The following NSD2 variants were observed in gnomAD, a reference collection of about 807,000 sequenced individuals.
NSD2 encodes histone-lysine N-methyltransferase NSD2.
NSD2 carries 12 observed loss-of-function variants against 139.0 expected under a neutral mutation model. The ratio of observed to expected loss-of-function variants is 0.09; its 90% CI spans 0.06 to 0.14. The LOEUF (loss-of-function observed/expected upper bound fraction) is 0.14. Among genes scored for constraint, NSD2 ranks in the 10% least tolerant of loss-of-function variants. NSD2 has a pLI of 1.00. For synonymous variants in NSD2, 669 were observed against 648.7 expected (o/e 1.03, Z -0.48); for missense variants, 1,155 against 1,745.0 (o/e 0.66, Z 6.02).
At chr4:1,925,464 C>T (rs1352977647) in intron 5 of NSD2, among the ~76,000 whole-genome samples, 1 of 144,730 alleles carries the variant, frequency 6.9e-6, no homozygotes, top group Non-Finnish European at 1.5e-5. Flanking sequence ...GAAGGCGCCA[C>T]CTCGGCCCAC....
intron 2 of NSD2, among the ~76,000 whole-genome samples, chr4:1,901,770 C>T (rs996456674): frequency 8.5e-5 from 13 of 152,206 alleles, no homozygotes; most frequent in Admixed American, 8.5e-4. Flanking sequence ...TCTCCTCAGC[C>T]AGGTGGTCCA....
chr4:1,916,265 G>A (rs1483133600), intron 3 of NSD2, among the ~76,000 whole-genome samples: 3 of 152,148 alleles, frequency 2.0e-5, no homozygotes, highest in Admixed American at 1.3e-4. Context: ...ATGTCCTCTT[G>A]TCTTATTTGG....
In NSD2 at chr4:1,976,026, C is replaced by A. The variant is rs1250531826; in HGVS notation, c.3622-449C>A. 6.6e-6 allele frequency among the ~76,000 whole-genome samples: 1 copy of A among 152,178 alleles called. No individual in the cohort carries two copies. The highest frequency in any genetic ancestry group is 2.4e-5 in the African/African-American group (1 of 41,436). The stretch of plus-strand genomic sequence containing the variant: ...GCGGTGGCACCAGCTCGGCCCTGAG[C>A]CGGTGTCTGTCCTCAGCCGTGTTGC... On this transcript the variant is annotated intron_variant, in intron 20 of 21. Coordinates refer to ENST00000508803, the MANE Select transcript of NSD2 (RefSeq NM_001042424.3). This position sits in a 1 kb window ranked among gnomAD's most constrained non-coding sequence, Gnocchi z 5.3.
chr4:1,909,800 C>T (rs1718422107), intron 3 of NSD2, among the ~76,000 whole-genome samples: 1 of 151,750 alleles, frequency 6.6e-6, no homozygotes, highest in Admixed American at 6.6e-5. Flanking sequence ...ACCACTATGC[C>T]CAGCTAATTT....
In NSD2 at chr4:1,918,241, A is replaced by C; in HGVS notation, c.1028A>C (p.Lys343Thr). ...ASMSVEERKA[K>T]FTFLYVGDQL... ...ATGTCAGTGGAGGAGCGGAAAGCCA[A>C]GTTCACCTTTCTCTATGTGGGGGAC... The change falls in exon 5 of 22, where the codon AAG (lysine) becomes ACG (threonine). Residue 343 changes from lysine (K) to threonine (T), a missense_variant. Physicochemically the swap from Lys to Thr is moderately conservative, Grantham distance 78. Around this residue, in one of 8 missense-constraint regions of NSD2, gnomAD observed 420 missense variants for 469.0 expected, o/e 0.90. Coordinates refer to ENST00000508803, the MANE Select transcript of NSD2 (RefSeq NM_001042424.3). The C allele has an allele frequency of 6.2e-7, 1 of 1,613,882 alleles. No individual in the cohort carries two copies. Among genetic ancestry groups the C allele is most frequent in the Non-Finnish European group, 8.5e-7 (1 of 1,180,016 alleles).
In NSD2 at chr4:1,878,012, G is replaced by A. The variant is rs141750228; in HGVS notation, c.-30+6470G>A. Among the ~76,000 whole-genome samples, 299 of 151,976 alleles carry A rather than the reference G, an allele frequency of 2.0e-3. 2 individuals carry two copies. The highest frequency in any genetic ancestry group is 3.2e-3 in the Non-Finnish European group (215 of 67,976). On this transcript the variant is annotated intron_variant, in intron 1 of 21. Coordinates refer to ENST00000508803, the MANE Select transcript of NSD2 (RefSeq NM_001042424.3). ...CCACTGCATTCCAGACTGGGTGGCA[G>A]TAAGACTCTGTCCCAAAAGAAAAAT...
chr4:1,929,023 G>A (rs755830786), intron 5 of NSD2, among the ~76,000 whole-genome samples: 5 of 152,080 alleles, frequency 3.3e-5, no homozygotes, highest in Non-Finnish European at 7.4e-5. Context: ...AGTGCTGGGG[G>A]TCAGAGCCAG....
intron 1 of NSD2, among the ~76,000 whole-genome samples, chr4:1,896,257 C>T (rs1465672520): frequency 1.3e-5 from 2 of 152,254 alleles, no homozygotes; most frequent in Non-Finnish European, 2.9e-5. Context: ...CTTCTGTATT[C>T]CGGCTGCCAA....
intron 15 of NSD2, among the ~76,000 whole-genome samples, chr4:1,957,309 A>T (rs1577541812): frequency 6.8e-6 from 1 of 146,478 alleles, no homozygotes. Context: ...TTTGAGACTG[A>T]GTCTTGCTCT....
chr4:1,914,149 AG>A (rs1458254796), intron 3 of NSD2, among the ~76,000 whole-genome samples: 1 of 151,970 alleles, frequency 6.6e-6, no homozygotes, highest in Admixed American at 6.6e-5. Context: ...CAGCCTCCCG[AG>A]TAGCTGGGAC....
chr4:1,872,533 G>A (rs186230438), intron 1 of NSD2, among the ~76,000 whole-genome samples: 2 of 147,442 alleles, frequency 1.4e-5, no homozygotes, highest in African/African-American at 2.5e-5. Flanking sequence ...ATGTGGTGAC[G>A]TTAATCGTTT....
intron 3 of NSD2, among the ~76,000 whole-genome samples, chr4:1,906,037 C>G (rs1717851113): frequency 6.6e-6 from 1 of 152,178 alleles, no homozygotes; most frequent in Non-Finnish European, 1.5e-5. Context: ...TAAAACCAGG[C>G]ATAGTCTCCA....
At chr4:1,951,445 CACACACA>C (rs1724227601) in intron 10 of NSD2, among the ~76,000 whole-genome samples, 2,907 of 99,600 alleles carry the variant, frequency 0.029, 710 homozygotes, top group East Asian at 0.046. Context: ...TCATGTAATA[CACACACA>C]CACACACACA....
In NSD2 at chr4:1,875,576, G is replaced by A. The variant is rs532185079; in HGVS notation, c.-30+4034G>A. Among the ~76,000 whole-genome samples the A allele has an allele frequency of 3.3e-5, 5 of 152,170 alleles. No homozygotes were observed. In the South Asian group the frequency reaches 8.3e-4, roughly 25 times the overall value. On this transcript the variant is annotated intron_variant, in intron 1 of 21. Coordinates refer to ENST00000508803, the MANE Select transcript of NSD2 (RefSeq NM_001042424.3). ...AGTATAGCTTTTTAAAGAATTGATT[G>A]ATTTGATTACATTTGGTTTGCTAGT...
At chr4:1,928,796 A>T (rs1224558685) in intron 5 of NSD2, among the ~76,000 whole-genome samples, 2 of 151,864 alleles carry the variant, frequency 1.3e-5, no homozygotes, top group African/African-American at 4.8e-5. Flanking sequence ...GTGTTTGAGG[A>T]GGTGAGAGGC....
chr4:1,965,726 A>C (rs1326558465), intron 18 of NSD2, among the ~76,000 whole-genome samples: 1 of 152,218 alleles, frequency 6.6e-6, no homozygotes, highest in Non-Finnish European at 1.5e-5. Flanking sequence ...GCCTCAAGAA[A>C]CTTACCATCA....
intron 3 of NSD2, among the ~76,000 whole-genome samples, chr4:1,909,638 C>CTT (rs751737438): frequency 1.4e-5 from 2 of 146,944 alleles, no homozygotes; most frequent in Admixed American, 6.8e-5. Context: ...TATTCCTATC[C>CTT]TTTTTTTTTT....
chr4:1,923,521 G>C (rs1412259540), intron 5 of NSD2, among the ~76,000 whole-genome samples: 1 of 152,150 alleles, frequency 6.6e-6, no homozygotes, highest in Non-Finnish European at 1.5e-5. Context: ...GTCCTTCACA[G>C]TCATCCTTCA....
rs763826395 is a variant in NSD2 at position 1,978,801 on chromosome 4, G to T, written c.3990G>T (p.Ala1330=). Residue 1330 remains alanine, a synonymous_variant, in exon 22 of 22, where the codon GCG becomes GCT. Transcript: ENST00000508803. ...ACTGCTGTGAGCATGACTTAGGGGC[G>T]GCATCGGTCAGAAGCACCAAGACTG... ...RSYCCEHDLG[A]ASVRSTKTEK... 7 of 1,612,490 alleles carry T rather than the reference G, an allele frequency of 4.3e-6. No homozygotes were observed. Among genetic ancestry groups the T allele is most frequent in the Non-Finnish European group, 5.9e-6 (7 of 1,178,910 alleles).
Sources: allele counts gnomAD v4.1 joint callset (sites outside exome capture counted in the v4.1 genomes callset), GRCh38; gene constraint gnomAD v4.1.1; regional missense constraint gnomAD v4.1.1; non-coding constraint Gnocchi (gnomAD v3.1); transcripts MANE v1.5; gene names NCBI Gene and HGNC (gene_info 2026-07-23, HGNC 2026-07-21).